PPP1R42: variants seen among roughly 807,000 people sequenced by gnomAD.
PPP1R42 encodes protein phosphatase 1 regulatory subunit 42.
In PPP1R42, 34 loss-of-function variants were observed where a neutral mutation model predicts 31.0. That is an observed-to-expected ratio of 1.10 (90% CI 0.83 to 1.46). The LOEUF is 1.46. PPP1R42 is among the 40% of genes most tolerant of loss of function. PPP1R42 has a pLI of 0.00. For missense variants in PPP1R42, 268 were observed against 303.0 expected, an observed-to-expected ratio of 0.88 and a Z score of 0.86; for synonymous variants, 103 against 109.8, an observed-to-expected ratio of 0.94 and a Z score of 0.39.
At chr8:67,008,428 G>A (rs1158223599) in intron 5 of PPP1R42, among the ~76,000 whole-genome samples, 1 of 152,056 alleles carries the variant, frequency 6.6e-6, no homozygotes, top group South Asian at 2.1e-4. Flanking sequence ...GAGGATTTGG[G>A]CCATGGCAGT....
intron 2 of PPP1R42, 29 bp from the exon 3 acceptor site, chr8:67,014,621 G>A: frequency 6.8e-7 from 1 of 1,463,808 alleles, no homozygotes; most frequent in South Asian, 1.3e-5. Context: ...CATGTCAAAT[G>A]TAATTTCTCC....
intron 7 of PPP1R42, among the ~76,000 whole-genome samples, chr8:66,975,758 T>A (rs1814652175): frequency 6.6e-6 from 1 of 152,146 alleles, no homozygotes; most frequent in Non-Finnish European, 1.5e-5. Context: ...GAGACATAAT[T>A]GTACATATTT....
intron 6 of PPP1R42, chr8:66,985,583 C>T (rs181170261): frequency 8.1e-6 from 11 of 1,357,246 alleles, no homozygotes; most frequent in African/African-American, 2.9e-5. Context: ...AGTGCCAGCC[C>T]GGCTTGGATT....
intron 6 of PPP1R42, chr8:66,984,011 G>T: frequency 1.0e-6 from 1 of 991,262 alleles, no homozygotes; most frequent in Non-Finnish European, 1.6e-6. Context: ...TTCTCCCTTT[G>T]TCCCAATGTC....
chr8:66,972,579 G>A (rs1814566173), intron 7 of PPP1R42, among the ~76,000 whole-genome samples: 1 of 151,958 alleles, frequency 6.6e-6, no homozygotes, highest in Non-Finnish European at 1.5e-5. Flanking sequence ...TAGTAGAGGC[G>A]GGGTTTCACC....
At chr8:66,988,117 G>T in intron 6 of PPP1R42, 1 of 1,037,198 alleles carries the variant, frequency 9.6e-7, no homozygotes, top group African/African-American at 1.7e-5. Flanking sequence ...CAAAAGGTCA[G>T]CAAGTTCTAC....
intron 7 of PPP1R42, among the ~76,000 whole-genome samples, chr8:66,977,280 G>T (rs1475379833): frequency 1.3e-5 from 2 of 150,430 alleles, no homozygotes; most frequent in Admixed American, 6.6e-5. Context: ...TGATCCAACT[G>T]CCATGGCCTC....
chr8:66,988,247 A>C, intron 6 of PPP1R42, 153 bp downstream of exon 6: 10 of 1,257,346 alleles, frequency 8.0e-6, no homozygotes, highest in Non-Finnish European at 9.0e-6. Flanking sequence ...TGTCAATTTT[A>C]ACTTTTGCTC....
At chr8:67,003,024 G>A (rs917412232) in intron 5 of PPP1R42, among the ~76,000 whole-genome samples, 15 of 150,750 alleles carry the variant, frequency 1.0e-4, no homozygotes, top group Admixed American at 8.6e-4. Flanking sequence ...AATTAGCTGG[G>A]CGTGGTGGCG....
intron 7 of PPP1R42, 94 bp from the exon 8 acceptor site, chr8:66,964,428 C>A: frequency 2.0e-6 from 1 of 508,362 alleles, no homozygotes; most frequent in Admixed American, 4.6e-5. Flanking sequence ...GACACAATAA[C>A]AATATTAAAG....
At chr8:66,986,114 A>C in intron 6 of PPP1R42, 1 of 698,260 alleles carries the variant, frequency 1.4e-6, no homozygotes, top group Non-Finnish European at 2.7e-6. Context: ...TCTTCCCTAC[A>C]GCAGTTCAAT....
chr8:67,014,285 T>A (rs191515431), intron 3 of PPP1R42, 141 bp downstream of exon 3: 286 of 456,420 alleles, frequency 6.3e-4, no homozygotes, highest in African/African-American at 5.3e-3. Flanking sequence ...TTTTTTTTCA[T>A]ATAAGTATGA....
chr8:66,995,315 C>A (rs1815305165), intron 5 of PPP1R42, among the ~76,000 whole-genome samples: 1 of 152,184 alleles, frequency 6.6e-6, no homozygotes, highest in Non-Finnish European at 1.5e-5. Context: ...ATATCCTGGG[C>A]AATGTCTATA....
At chr8:67,022,968 A>G (rs1188285051) in intron 1 of PPP1R42, among the ~76,000 whole-genome samples, 1 of 152,210 alleles carries the variant, frequency 6.6e-6, no homozygotes, top group African/African-American at 2.4e-5. Flanking sequence ...TAAACAATTC[A>G]TGAAGCACTG....
intron 5 of PPP1R42, among the ~76,000 whole-genome samples, chr8:66,989,251 T>C (rs2130933062): frequency 6.6e-6 from 1 of 152,322 alleles, no homozygotes; most frequent in Non-Finnish European, 1.5e-5. Context: ...TTCCATGGTC[T>C]ACAACCCAAA....
chr8:66,985,065 A>C, intron 6 of PPP1R42: 1 of 1,363,326 alleles, frequency 7.3e-7, no homozygotes, highest in Non-Finnish European at 1.0e-6. Flanking sequence ...CCCACCACTC[A>C]ATTTCAGGGA....
intron 6 of PPP1R42, chr8:66,985,437 A>C: frequency 1.2e-6 from 1 of 803,222 alleles, no homozygotes; most frequent in Non-Finnish European, 2.1e-6. Flanking sequence ...TTGCATCTAC[A>C]ATGCACCCTT....
intron 6 of PPP1R42, among the ~76,000 whole-genome samples, chr8:66,986,814 T>C (rs1431612441): frequency 6.6e-6 from 1 of 152,222 alleles, no homozygotes; most frequent in African/African-American, 2.4e-5. Flanking sequence ...GTAAATACTT[T>C]CACAGTCGTG....
chr8:66,964,663 A>AAT (rs1476439400), intron 7 of PPP1R42, among the ~76,000 whole-genome samples: 1 of 152,226 alleles, frequency 6.6e-6, no homozygotes, highest in Non-Finnish European at 1.5e-5. Flanking sequence ...AATGCAAAAT[A>AAT]ATCATACATA....
Sources: allele counts gnomAD v4.1 joint callset (sites outside exome capture counted in the v4.1 genomes callset), GRCh38; gene constraint gnomAD v4.1.1; transcripts MANE v1.5; gene names NCBI Gene and HGNC (gene_info 2026-07-23, HGNC 2026-07-21).